The following VAMP7 variants were observed in gnomAD, a reference collection of about 807,000 sequenced individuals.
VAMP7 encodes the protein vesicle-associated membrane protein 7.
In VAMP7, 14 loss-of-function variants were observed where a neutral mutation model predicts 29.6. The observed-to-expected ratio is 0.47, with a 90% CI of 0.31 to 0.74. The LOEUF is 0.74. Among genes scored for constraint, VAMP7 ranks in the 30% least tolerant of loss-of-function variants. VAMP7 has a pLI of 0.05. For synonymous variants in VAMP7, 95 were observed against 88.1 expected, an observed-to-expected ratio of 1.08 and a Z score of -0.44; for missense variants, 223 against 262.4, an observed-to-expected ratio of 0.85 and a Z score of 1.04.
intron 6 of VAMP7, among the ~76,000 whole-genome samples, chrX:155,935,135 T>G (rs977845740): frequency 4.6e-5 from 7 of 152,098 alleles, no homozygotes; most frequent in Non-Finnish European, 1.0e-4. Flanking sequence ...CCCTTAACAT[T>G]TTTTCCTTCA....
At chrX:155,910,676 T>C in intron 5 of VAMP7, among the ~76,000 whole-genome samples, 1 of 152,088 alleles carries the variant, frequency 6.6e-6, no homozygotes, top group Non-Finnish European at 1.5e-5. Flanking sequence ...ATATCTCATT[T>C]TGGCTTTTAT....
Position 155,911,672 on chromosome X carries a change from C to T in VAMP7, c.434-8141C>T, listed in dbSNP as rs773934237. ...TACTTGTAGGAGTCTTTCACCTACT[C>T]GTTAAATTTATTCTTCAATATTTTA... On this transcript the variant is annotated intron_variant, in intron 5 of 7. Coordinates refer to ENST00000286448, the MANE Select transcript of VAMP7 (RefSeq NM_005638.6). Among the ~76,000 whole-genome samples, 15 of 151,704 alleles carry T rather than the reference C, an allele frequency of 9.9e-5. No homozygotes were observed. The South Asian group carries it at 1.0e-3, about 11-fold the overall frequency.
chrX:155,941,822 A>G, intron 7 of VAMP7, 61 bp from the exon 8 acceptor site: 3 of 1,534,726 alleles, frequency 2.0e-6, no homozygotes, highest in Admixed American at 3.8e-5. Context: ...TTTCCTATAT[A>G]TATTATTTAG....
intron 6 of VAMP7, among the ~76,000 whole-genome samples, chrX:155,938,461 A>G (rs2066694890): frequency 0.015 from 1 of 66 alleles, no homozygotes; most frequent in Non-Finnish European, 0.026. Flanking sequence ...TATGTGAAGT[A>G]TAATATACAT....
chrX:155,926,628 G>A (rs1463213286), intron 6 of VAMP7, among the ~76,000 whole-genome samples: 1 of 152,194 alleles, frequency 6.6e-6, no homozygotes, highest in Non-Finnish European at 1.5e-5. Context: ...TTTCTTATAT[G>A]TGTGTTCACT....
chrX:155,901,864 T>C (rs1024559952), intron 5 of VAMP7, among the ~76,000 whole-genome samples: 4 of 152,178 alleles, frequency 2.6e-5, no homozygotes, highest in African/African-American at 9.6e-5. Context: ...GGCTCTTTTT[T>C]GGTTCCATAT....
chrX:155,905,480 G>A (rs1368160813), intron 5 of VAMP7, among the ~76,000 whole-genome samples: 1 of 151,870 alleles, frequency 6.6e-6, no homozygotes. Context: ...AGAAACTGTC[G>A]CCTAAGCCAA....
chrX:155,902,551 C>T (rs2066079870), intron 5 of VAMP7, among the ~76,000 whole-genome samples: 1 of 150,694 alleles, frequency 6.6e-6, no homozygotes, highest in Non-Finnish European at 1.5e-5. Context: ...CCATCAATAC[C>T]TAATTTATTG....
chrX:155,883,766 A>G lies in VAMP7; in HGVS notation c.-10+2318A>G, dbSNP rs751710422. Reference sequence around the variant, plus strand: ...CACTCCGTTGCCTGGGCTGGAGTGCAGCGGCGCGATCTCGGCTCACTGCAA... The same window carrying G: ...CACTCCGTTGCCTGGGCTGGAGTGCGGCGGCGCGATCTCGGCTCACTGCAA... On this transcript the variant is annotated intron_variant, in intron 1 of 7. Transcript: ENST00000286448. Among the ~76,000 whole-genome samples the G allele has an allele frequency of 1.6e-3, 223 of 142,730 alleles. 2 individuals are homozygous for G. Among genetic ancestry groups the G allele is most frequent in the African/African-American group, 5.6e-3 (213 of 37,822 alleles). The allele number at this position is 142,730 out of a possible 152,430, so 93.6% of individuals were successfully genotyped here.
chrX:155,882,262 G>A (rs1451730395), intron 1 of VAMP7, among the ~76,000 whole-genome samples: 2 of 152,086 alleles, frequency 1.3e-5, no homozygotes, highest in Non-Finnish European at 2.9e-5. Flanking sequence ...TAAGTGCAGG[G>A]GATACAGCTG....
chrX:155,920,397 C>G, intron 6 of VAMP7, among the ~76,000 whole-genome samples: 1 of 152,218 alleles, frequency 6.6e-6, no homozygotes, highest in South Asian at 2.1e-4. Context: ...TCCGTATGTC[C>G]TCACATTTTC....
At chrX:155,885,055 A>G (rs1287638730) in intron 1 of VAMP7, among the ~76,000 whole-genome samples, 1 of 152,204 alleles carries the variant, frequency 6.6e-6, no homozygotes, top group Non-Finnish European at 1.5e-5. Flanking sequence ...GTATCATTTT[A>G]TTAACTTTTA....
chrX:155,892,416 G>T (rs2065935868), intron 2 of VAMP7, among the ~76,000 whole-genome samples: 1 of 152,066 alleles, frequency 6.6e-6, no homozygotes, highest in Admixed American at 6.5e-5. Context: ...TATTCTTCAA[G>T]ATCTGCCACT....
At chrX:155,913,340 A>T (rs1162747408) in intron 5 of VAMP7, among the ~76,000 whole-genome samples, 1 of 151,904 alleles carries the variant, frequency 6.6e-6, no homozygotes, top group Admixed American at 6.6e-5. Flanking sequence ...CACTCTGATG[A>T]TAGTTTCTTT....
At chrX:155,928,790 A>G (rs2066507264) in intron 6 of VAMP7, among the ~76,000 whole-genome samples, 1 of 152,190 alleles carries the variant, frequency 6.6e-6, no homozygotes, top group African/African-American at 2.4e-5. Flanking sequence ...CTTGTTTTAA[A>G]CAGATGGTTT....
intron 1 of VAMP7, among the ~76,000 whole-genome samples, chrX:155,884,503 A>C (rs1335620930): frequency 6.6e-6 from 1 of 152,228 alleles, no homozygotes; most frequent in Admixed American, 6.5e-5. Flanking sequence ...TGTCTTTATA[A>C]CTGATTAAAA....
intron 3 of VAMP7, among the ~76,000 whole-genome samples, chrX:155,897,562 C>A (rs1483806298): frequency 6.6e-6 from 1 of 152,116 alleles, no homozygotes; most frequent in Non-Finnish European, 1.5e-5. Flanking sequence ...AACACACATA[C>A]ACACATTCAT....
chrX:155,933,374 T>A (rs2066594702), intron 6 of VAMP7, among the ~76,000 whole-genome samples: 1 of 152,198 alleles, frequency 6.6e-6, no homozygotes, highest in Non-Finnish European at 1.5e-5. Context: ...ATTGCCTCAA[T>A]TTCAGAGCCT....
chrX:155,898,719 G>A (rs957690967), intron 4 of VAMP7, among the ~76,000 whole-genome samples: 2 of 151,996 alleles, frequency 1.3e-5, no homozygotes, highest in African/African-American at 4.8e-5. Context: ...ACTTAAGACA[G>A]CATTTTAATC....
Sources: gnomAD v4.1 joint callset for allele counts (sites outside exome capture counted in the v4.1 genomes callset) on GRCh38, gnomAD v4.1.1 for gene constraint, MANE v1.5 for transcripts, NCBI Gene and HGNC (gene_info 2026-07-23, HGNC 2026-07-21) for gene names.